NPAS3: variants seen among roughly 807,000 people sequenced by gnomAD.
NPAS3 encodes the protein neuronal PAS domain-containing protein 3.
NPAS3 carries 14 observed loss-of-function variants against 73.1 expected under a neutral mutation model. The observed-to-expected ratio is 0.19, with a 90% CI of 0.13 to 0.30. The LOEUF is 0.30. Ranked by LOEUF, NPAS3 falls within the 10% of genes least tolerant of loss-of-function variation. NPAS3 has a pLI of 1.00. For synonymous variants in NPAS3, 620 were observed against 541.5 expected (o/e 1.14, Z -2.01); for missense variants, 1,096 against 1,250.0 (o/e 0.88, Z 1.86).
intron 2 of NPAS3, among the ~76,000 whole-genome samples, chr14:33,119,944 A>G (rs1459360781): frequency 1.3e-5 from 2 of 152,128 alleles, no homozygotes; most frequent in Non-Finnish European, 2.9e-5. Flanking sequence ...TTAACATTAA[A>G]ACTGCATTGC....
At chr14:33,660,427 G>T (rs1177019937) in intron 5 of NPAS3, among the ~76,000 whole-genome samples, 1 of 152,112 alleles carries the variant, frequency 6.6e-6, no homozygotes, top group Non-Finnish European at 1.5e-5. Flanking sequence ...CACAAAAGTT[G>T]CCCGTAAATC....
intron 4 of NPAS3, among the ~76,000 whole-genome samples, chr14:33,447,593 G>T (rs2049577233): frequency 6.6e-6 from 1 of 152,172 alleles, no homozygotes. Context: ...AATAGTGAGG[G>T]CCTAAAACTA....
intron 6 of NPAS3, among the ~76,000 whole-genome samples, chr14:33,697,127 G>A (rs1431440025): frequency 1.3e-5 from 2 of 152,220 alleles, no homozygotes; most frequent in Non-Finnish European, 2.9e-5. Flanking sequence ...CAACTTTAGA[G>A]TGCAGGAAAA....
intron 4 of NPAS3, among the ~76,000 whole-genome samples, chr14:33,498,402 C>T (rs1298884770): frequency 3.3e-5 from 5 of 152,160 alleles, no homozygotes; most frequent in South Asian, 2.1e-4. Flanking sequence ...CATATGTTTA[C>T]TGCAGCACTA....
intron 5 of NPAS3, among the ~76,000 whole-genome samples, chr14:33,633,313 C>G (rs2058430451): frequency 6.6e-6 from 1 of 152,038 alleles, no homozygotes; most frequent in South Asian, 2.1e-4. Context: ...AAACTAATAC[C>G]ACCTGTATCT....
intron 4 of NPAS3, among the ~76,000 whole-genome samples, chr14:33,557,093 A>C (rs1310062313): frequency 1.3e-5 from 2 of 152,142 alleles, no homozygotes; most frequent in African/African-American, 2.4e-5. Flanking sequence ...GTTTGAGGTA[A>C]AGATATGTTG....
At chr14:33,017,302 G>A (rs1465844370) in intron 1 of NPAS3, among the ~76,000 whole-genome samples, 3 of 152,120 alleles carry the variant, frequency 2.0e-5, no homozygotes, top group Non-Finnish European at 4.4e-5. Flanking sequence ...CAGGATGCCA[G>A]GCTAACCTCA....
rs115057344 is a variant in NPAS3, at chr14:33,410,010, A to T, written c.468+42742A>T. 9.2e-3 allele frequency among the ~76,000 whole-genome samples: 1,399 copies of T among 152,304 alleles called. 25 individuals are homozygous for T. The highest frequency in any genetic ancestry group is 0.032 in the African/African-American group (1,317 of 41,570). Reference sequence around the variant, plus strand: ...TGAAATACTCTTCTGCCCTCTTTGTAGCTCTAACATTGGCAAGTCTCATGT... The same window carrying T: ...TGAAATACTCTTCTGCCCTCTTTGTTGCTCTAACATTGGCAAGTCTCATGT... On this transcript the variant is annotated intron_variant, in intron 4 of 11. Transcript: ENST00000356141.
chr14:33,783,580 A>G (rs1260566460), intron 9 of NPAS3, among the ~76,000 whole-genome samples: 2 of 102,714 alleles, frequency 1.9e-5, no homozygotes, highest in East Asian at 3.5e-4. Flanking sequence ...ATTTTGTCTT[A>G]GTTTTTTGGG....
chr14:33,335,721 CT>C (rs2044197957), intron 3 of NPAS3, among the ~76,000 whole-genome samples: 1 of 152,078 alleles, frequency 6.6e-6, no homozygotes, highest in African/African-American at 2.4e-5. Flanking sequence ...GACCTTCTGG[CT>C]GTTAGTAATC....
chr14:33,169,874 T>A (rs2045321227), intron 2 of NPAS3, among the ~76,000 whole-genome samples: 1 of 152,208 alleles, frequency 6.6e-6, no homozygotes, highest in Non-Finnish European at 1.5e-5. Context: ...TATGAGACCT[T>A]GTCGGTACCT....
intron 4 of NPAS3, among the ~76,000 whole-genome samples, chr14:33,489,447 T>TA (rs966105985): frequency 1.5e-4 from 23 of 152,126 alleles, no homozygotes; most frequent in African/African-American, 2.2e-4. Flanking sequence ...TTTGATATTT[T>TA]AAAAAAACAG....
At chr14:33,002,046 CT>C (rs2038826786) in intron 1 of NPAS3, among the ~76,000 whole-genome samples, 1 of 152,206 alleles carries the variant, frequency 6.6e-6, no homozygotes, top group Non-Finnish European at 1.5e-5. Flanking sequence ...CAAGTCTCAG[CT>C]CATGTCATGT....
intron 4 of NPAS3, among the ~76,000 whole-genome samples, chr14:33,425,941 C>T (rs1734380241): frequency 6.6e-6 from 1 of 152,050 alleles, no homozygotes; most frequent in African/African-American, 2.4e-5. Flanking sequence ...CAGTGTGTTT[C>T]AAACAAGCTT....
chr14:32,976,087 C>T (rs2037664595), intron 1 of NPAS3, among the ~76,000 whole-genome samples: 1 of 152,092 alleles, frequency 6.6e-6, no homozygotes, highest in African/African-American at 2.4e-5. Context: ...GCTTGATAAA[C>T]ATGAAGTCTT....
At chr14:33,534,579 G>A (rs1316601030) in intron 4 of NPAS3, among the ~76,000 whole-genome samples, 1 of 152,134 alleles carries the variant, frequency 6.6e-6, no homozygotes, top group Admixed American at 6.6e-5. Context: ...GTCCACAATA[G>A]TATGTAGTGA....
intron 1 of NPAS3, among the ~76,000 whole-genome samples, chr14:33,042,111 A>G (rs532078683): frequency 1.3e-5 from 2 of 152,312 alleles, no homozygotes; most frequent in Non-Finnish European, 2.9e-5. Context: ...TAGAACATGA[A>G]CAATTATATA....
chr14:33,295,109 C>T (rs959275121), intron 3 of NPAS3, among the ~76,000 whole-genome samples: 1 of 151,974 alleles, frequency 6.6e-6, no homozygotes, highest in Non-Finnish European at 1.5e-5. Context: ...TGTTGGGATC[C>T]CAAAACGTAG....
At position 33,607,749 on chromosome 14, in the gene NPAS3, G is replaced by A. The variant is rs150477446; in HGVS notation, c.558+47539G>A. Among the ~76,000 whole-genome samples, 142 of 152,264 alleles carry A rather than the reference G, an allele frequency of 9.3e-4. 1 individual carries two copies. Among genetic ancestry groups the A allele is most frequent in the African/African-American group, 3.2e-3 (132 of 41,554 alleles). ...GCTAATAAAGACATACCTGAGACTG[G>A]TAATTTATAAAGGAAAGAGGTTCAA... On this transcript the variant is annotated intron_variant, in intron 5 of 11. Transcript: ENST00000356141.
Sources: gnomAD v4.1 joint callset for allele counts (sites outside exome capture counted in the v4.1 genomes callset) on GRCh38, gnomAD v4.1.1 for gene constraint, MANE v1.5 for transcripts, NCBI Gene and HGNC (gene_info 2026-07-23, HGNC 2026-07-21) for gene names.